The following LINGO1 variants were observed in gnomAD, a reference collection of about 807,000 sequenced individuals.
LINGO1 encodes the protein leucine rich repeat and Ig domain containing 1.
A neutral mutation model predicts 37.3 loss-of-function variants in LINGO1; 11 were observed. The ratio of observed to expected loss-of-function variants is 0.29; its 90% CI spans 0.19 to 0.49. The LOEUF is 0.49. Ranked by LOEUF, LINGO1 falls within the 20% of genes least tolerant of loss-of-function variation. The probability of loss-of-function intolerance (pLI) is 0.99; values close to 1 mark genes in which losing one functional copy is unlikely to be tolerated. For synonymous variants in LINGO1, 387 were observed against 403.0 expected, an observed-to-expected ratio of 0.96 and a Z score of 0.48; for missense variants, 585 against 878.2, an observed-to-expected ratio of 0.67 and a Z score of 4.22.
chr15:77,634,668 G>T (rs2074358688), upstream of LINGO1, among the ~76,000 whole-genome samples: 1 of 152,150 alleles, frequency 6.6e-6, no homozygotes, highest in African/African-American at 2.4e-5. Context: ...AGGGAGGCCA[G>T]CACAGGAGTC....
At chr15:77,698,794 A>T (rs1162233567), upstream of LINGO1, among the ~76,000 whole-genome samples, 1 of 152,160 alleles carries the variant, frequency 6.6e-6, no homozygotes, top group African/African-American at 2.4e-5. Flanking sequence ...GAGGGTGAGA[A>T]GGGTCGGGTG....
At chr15:77,673,447 T>C (rs111407576) in intron 3 of LINGO1, among the ~76,000 whole-genome samples, 3 of 151,776 alleles carry the variant, frequency 2.0e-5, no homozygotes, top group African/African-American at 7.3e-5. Context: ...ACCTGTGACC[T>C]CGTTACCGAG....
At chr15:77,623,512 G>C (rs967652111) in intron 1 of LINGO1, among the ~76,000 whole-genome samples, 2 of 152,202 alleles carry the variant, frequency 1.3e-5, no homozygotes, top group Non-Finnish European at 2.9e-5. Context: ...GTCTAATTTG[G>C]GGGGCTGCCT....
At chr15:77,626,196 G>A (rs7182167) in intron 1 of LINGO1, among the ~76,000 whole-genome samples, 27,514 of 151,916 alleles carry the variant, frequency 0.18, 5,344 homozygotes, top group African/African-American at 0.49. Flanking sequence ...TCCCAACCGC[G>A]GCCACTTTCT....
intron 1 of LINGO1, among the ~76,000 whole-genome samples, chr15:77,818,606 G>A (rs1313387516): frequency 6.6e-6 from 1 of 152,154 alleles, no homozygotes; most frequent in African/African-American, 2.4e-5. Context: ...GTCCTGAGGA[G>A]CAGAAGGCGC....
intron 3 of LINGO1, among the ~76,000 whole-genome samples, chr15:77,644,940 C>A (rs1312178191): frequency 6.6e-6 from 1 of 152,092 alleles, no homozygotes; most frequent in Non-Finnish European, 1.5e-5. Flanking sequence ...CTAGAAGGCC[C>A]CAGACGATAG....
chr15:77,614,285 G>T lies in LINGO1; in HGVS notation c.1622C>A (p.Ala541Asp), dbSNP rs1172809065. ...FISNQPGEGEANSTRATVPFP... is the reference protein window; with the variant it reads ...FISNQPGEGEDNSTRATVPFP... ...AGGCACAGTGGCGCGGGTGCTGTTG[G>T]CCTCTCCCTCGCCCGGCTGGTTGGA... Residue 541 changes from alanine to aspartate, a missense_variant, in exon 2 of 2, where the codon GCC (alanine) becomes GAC (aspartate). Physicochemically the swap from Ala to Asp is moderately radical, Grantham distance 126. Transcript: ENST00000355300. 6.2e-7 allele frequency: 1 copy of T among 1,614,018 alleles called. No homozygotes were observed. Among genetic ancestry groups the T allele is most frequent in the Non-Finnish European group, 8.5e-7 (1 of 1,179,894 alleles).
intron 1 of LINGO1, among the ~76,000 whole-genome samples, chr15:77,743,103 G>A (rs2076281044): frequency 6.6e-6 from 1 of 152,152 alleles, no homozygotes; most frequent in South Asian, 2.1e-4. Context: ...GGTGGGGGGT[G>A]GAAGGAGAGC....
intron 3 of LINGO1, chr15:77,648,155 G>A: frequency 3.0e-6 from 1 of 337,062 alleles, no homozygotes; most frequent in South Asian, 2.3e-5. Flanking sequence ...TGAGGAGACT[G>A]AGTCCCAAGA....
chr15:77,760,806 G>A (rs1035647190), intron 1 of LINGO1, among the ~76,000 whole-genome samples: 2 of 152,102 alleles, frequency 1.3e-5, no homozygotes, highest in African/African-American at 4.8e-5. Context: ...TGGGAAAGGA[G>A]GTGAGGGTAA....
intron 2 of LINGO1, among the ~76,000 whole-genome samples, chr15:77,728,767 G>A (rs2076127593): frequency 1.3e-5 from 2 of 152,368 alleles, no homozygotes; most frequent in South Asian, 2.1e-4. Flanking sequence ...CTTAAGGACT[G>A]TGTACTTTTG....
upstream of LINGO1, among the ~76,000 whole-genome samples, chr15:77,790,166 C>T (rs1196804537): frequency 6.6e-6 from 1 of 152,194 alleles, no homozygotes; most frequent in Non-Finnish European, 1.5e-5. Context: ...TTAGCTATAG[C>T]AGCCTAGCAA....
intron 1 of LINGO1, among the ~76,000 whole-genome samples, chr15:77,750,670 T>C (rs2076362282): frequency 6.6e-6 from 1 of 152,234 alleles, no homozygotes; most frequent in Non-Finnish European, 1.5e-5. Context: ...CTGAGCCTAC[T>C]ATGAGCCAGA....
At chr15:77,746,062 T>C (rs903696259) in intron 1 of LINGO1, among the ~76,000 whole-genome samples, 1 of 151,572 alleles carries the variant, frequency 6.6e-6, no homozygotes, top group Admixed American at 6.6e-5. Context: ...AAAAAAATTA[T>C]ATGGGCATGG....
chr15:77,632,758 G>A lies in LINGO1; in HGVS notation c.-443C>T, dbSNP rs1195126366. On this transcript the variant is annotated 5_prime_UTR_variant, in exon 1 of 2. Coordinates refer to ENST00000355300, the MANE Select transcript of LINGO1 (RefSeq NM_032808.7). The surrounding 1 kb of genome is among the most constrained non-coding windows in gnomAD (Gnocchi z 6.0). ...GGCGCCCCGCGTCGGGAGAGGGGCC[G>A]GAGCGGCGCGGGTGGGGACTCCGCG... 6.8e-6 allele frequency among the ~76,000 whole-genome samples: 1 copy of A among 146,230 alleles called. No individual in the cohort carries two copies. The highest frequency in any genetic ancestry group is 1.5e-5 in the Non-Finnish European group (1 of 65,806).
chr15:77,650,718 G>A (rs1182679253), intron 3 of LINGO1, among the ~76,000 whole-genome samples: 1 of 152,210 alleles, frequency 6.6e-6, no homozygotes, highest in Non-Finnish European at 1.5e-5. Flanking sequence ...CTCAAGATGG[G>A]GATGGGGTGA....
upstream of LINGO1, among the ~76,000 whole-genome samples, chr15:77,699,774 T>TCCGCACACAG (rs2075757887): frequency 1.1e-4 from 1 of 9,074 alleles, no homozygotes. Context: ...CTAACCATCA[T>TCCGCACACAG]TCCCCCCCTC....
intron 1 of LINGO1, among the ~76,000 whole-genome samples, chr15:77,780,680 A>G (rs528974313): frequency 6.6e-6 from 1 of 152,164 alleles, no homozygotes; most frequent in African/African-American, 2.4e-5. Flanking sequence ...GTAAGGAGGT[A>G]ATTAAGGTTA....
chr15:77,621,942 G>A (rs897967174), intron 1 of LINGO1, among the ~76,000 whole-genome samples: 1 of 152,232 alleles, frequency 6.6e-6, no homozygotes, highest in Non-Finnish European at 1.5e-5. Context: ...GCATGGAGGC[G>A]TCTGCCCCAC....
Sources: gnomAD v4.1 joint callset for allele counts (sites outside exome capture counted in the v4.1 genomes callset) on GRCh38, gnomAD v4.1.1 for gene constraint, Gnocchi (gnomAD v3.1) non-coding constraint, MANE v1.5 for transcripts, NCBI Gene and HGNC (gene_info 2026-07-23, HGNC 2026-07-21) for gene names.